Variants in MON1A observed in about 807,000 individuals in gnomAD.
The protein encoded by MON1A is MON1 vesicular trafficking associated A, also known as vacuolar fusion protein MON1 homolog A.
In MON1A, 29 loss-of-function variants were observed where a neutral mutation model predicts 44.6. That is an observed-to-expected ratio of 0.65 (90% CI 0.48 to 0.89). The LOEUF is 0.89. Ranked by LOEUF, MON1A falls within the 40% of genes least tolerant of loss-of-function variation. The probability of loss-of-function intolerance (pLI) is 0.00; values close to 1 mark genes in which losing one functional copy is unlikely to be tolerated. For synonymous variants in MON1A, 275 were observed against 316.4 expected, an observed-to-expected ratio of 0.87 and a Z score of 1.39; for missense variants, 615 against 759.6, an observed-to-expected ratio of 0.81 and a Z score of 2.24.
chr3:49,927,855 C>T (rs370508954), intron 1 of MON1A, among the ~76,000 whole-genome samples: 15 of 151,688 alleles, frequency 9.9e-5, no homozygotes, highest in East Asian at 1.9e-4. Flanking sequence ...GAGCTGATAT[C>T]GCGCCATTGC....
chr3:49,911,134 A>G lies in MON1A; in HGVS notation c.614-250T>C, dbSNP rs2082873056. Among the ~76,000 whole-genome samples, 1 of 149,202 alleles carries G rather than the reference A, an allele frequency of 6.7e-6. No individual in the cohort carries two copies. ...CATTCTTATGCTAAGTGCTAAGTCA[A>G]CTGGCAACTGGCAAGGGCTGGCTGG... is the stretch of plus-strand genomic sequence containing the variant. On this transcript the variant is annotated intron_variant, in intron 3 of 5. Transcript: ENST00000296473. This position sits in a 1 kb window ranked among gnomAD's most constrained non-coding sequence, Gnocchi z 5.7.
At chr3:49,917,418 T>C (rs548550876) in intron 1 of MON1A, among the ~76,000 whole-genome samples, 30 of 152,252 alleles carry the variant, frequency 2.0e-4, no homozygotes, top group Admixed American at 8.5e-4. Flanking sequence ...CCCGAGTAGC[T>C]GGGACTATAG....
At position 49,929,792 on chromosome 3, in the gene MON1A, G is replaced by A. The variant is rs1371895753; in HGVS notation, c.-197C>T. 7 of 1,547,958 alleles carry A rather than the reference G, an allele frequency of 4.5e-6. No individual in the cohort carries two copies. The highest frequency in any genetic ancestry group is 1.4e-5 in the African/African-American group (1 of 73,142). On this transcript the variant is annotated 5_prime_UTR_variant, in exon 1 of 6. Coordinates refer to ENST00000296473, the MANE Select transcript of MON1A (RefSeq NM_032355.4). The stretch of plus-strand genomic sequence containing the variant: ...CCGCTCCCTCCCACCGCCCTCACCC[G>A]GCCGCCGGTGCAGGAAGATAGCTTT...
chr3:49,921,318 C>T (rs1377002546), intron 1 of MON1A, among the ~76,000 whole-genome samples: 2 of 151,166 alleles, frequency 1.3e-5, no homozygotes, highest in African/African-American at 2.4e-5. Flanking sequence ...CCACCACACC[C>T]GGCTAATTTT....
rs1032505811 is a variant in MON1A, at chr3:49,913,216, A to G, written c.127+4T>C. 8.7e-6 allele frequency: 14 copies of G among 1,614,222 alleles called. No individual in the cohort carries two copies. The highest frequency in any genetic ancestry group is 3.3e-5 in the Admixed American group (2 of 60,018). On this transcript the variant is annotated splice_donor_region_variant and intron_variant, in intron 2 of 5. Coordinates refer to ENST00000296473, the MANE Select transcript of MON1A (RefSeq NM_032355.4). Reference sequence around the variant, plus strand: ...GCTGGCTGAGGCTGTACACTTGCCCATACCTGGCTCCATTCCCTGGGCCAT... The same window carrying G: ...GCTGGCTGAGGCTGTACACTTGCCCGTACCTGGCTCCATTCCCTGGGCCAT...
At chr3:49,918,736 G>A (rs1269146391) in intron 1 of MON1A, among the ~76,000 whole-genome samples, 1 of 152,054 alleles carries the variant, frequency 6.6e-6, no homozygotes, top group Non-Finnish European at 1.5e-5. Context: ...AAGATGAGCT[G>A]TTCATGCTCC....
At position 49,910,868 on chromosome 3, in the gene MON1A, T is replaced by C. The variant is rs758981992; in HGVS notation, c.630A>G (p.Val210=). The C allele has an allele frequency of 1.2e-6, 2 of 1,609,470 alleles. No individual in the cohort carries two copies. Among genetic ancestry groups the C allele is most frequent in the South Asian group, 2.2e-5 (2 of 90,888 alleles). The change falls in exon 4 of 6, where the codon GTA becomes GTG. Residue 210 remains valine (V), a synonymous_variant. Transcript: ENST00000296473. This position sits in a 1 kb window ranked among gnomAD's most constrained non-coding sequence, Gnocchi z 8.0. ...RSIHADGYKV[V]FVRRSPLVLV... Reference sequence around the variant, plus strand: ...GCACCAGCGGGCTCCGGCGCACGAATACTACCTTGTAGCCATCTGAGAGCG... The same window carrying C: ...GCACCAGCGGGCTCCGGCGCACGAACACTACCTTGTAGCCATCTGAGAGCG...
rs371051417 is a variant in MON1A at position 49,929,811 on chromosome 3, T to C, written c.-216A>G. The stretch of plus-strand genomic sequence containing the variant: ...TCACCCGGCCGCCGGTGCAGGAAGA[T>C]AGCTTTCGCCGGCCTCTCGCGGCCA... On this transcript the variant is annotated 5_prime_UTR_variant, in exon 1 of 6. Transcript: ENST00000296473. The C allele has an allele frequency of 5.2e-6, 8 of 1,546,582 alleles. No homozygotes were observed. The highest frequency in any genetic ancestry group is 1.4e-5 in the African/African-American group (1 of 73,020).
In MON1A at chr3:49,908,939, C is replaced by CA; in HGVS notation, c.*74dup. The CA allele has an allele frequency of 6.6e-7, 1 of 1,506,644 alleles. No homozygotes were observed. The highest frequency in any genetic ancestry group is 2.3e-5 in the East Asian group (1 of 43,784). 93.3% of individuals were successfully genotyped at this position (1,506,644 alleles called of 1,614,324 possible). Reference sequence around the variant, plus strand: ...TGCCCGCTGGCTGGGCAAGAGAGGCCAGCCCCCATCTGGAGGCTCCTATGG... The same window carrying CA: ...TGCCCGCTGGCTGGGCAAGAGAGGCCAAGCCCCCATCTGGAGGCTCCTATGG... On this transcript the variant is annotated 3_prime_UTR_variant, in exon 6 of 6. Transcript: ENST00000296473.
At position 49,908,956 on chromosome 3, in the gene MON1A, C is replaced by A; in HGVS notation, c.*58G>T. ...AGAGAGGCCAGCCCCCATCTGGAGG[C>A]TCCTATGGCTTCCCACACCTAGTGT... On this transcript the variant is annotated 3_prime_UTR_variant, in exon 6 of 6. Coordinates refer to ENST00000296473, the MANE Select transcript of MON1A (RefSeq NM_032355.4). The A allele has an allele frequency of 6.4e-7, 1 of 1,551,180 alleles. No individual in the cohort carries two copies. Among genetic ancestry groups the A allele is most frequent in the Non-Finnish European group, 8.7e-7 (1 of 1,145,826 alleles).
At chr3:49,912,119 T>C in intron 2 of MON1A, 108 bp from the exon 3 acceptor site, 2 of 1,344,726 alleles carry the variant, frequency 1.5e-6, no homozygotes, top group Non-Finnish European at 2.0e-6. Flanking sequence ...CTTGTTAGGA[T>C]CAAGCCACTG....
Position 49,909,360 on chromosome 3 carries a change from C to T in MON1A, c.1420G>A (p.Glu474Lys). 1.9e-6 allele frequency: 3 copies of T among 1,614,100 alleles called. No individual in the cohort carries two copies. Among genetic ancestry groups the T allele is most frequent in the East Asian group, 2.2e-5 (1 of 44,878 alleles). Residue 474 changes from glutamate (E) to lysine (K), a missense_variant, in exon 5 of 6, where the codon GAG (glutamate) becomes AAG (lysine). Transcript: ENST00000296473. This position sits in a 1 kb window ranked among gnomAD's most constrained non-coding sequence, Gnocchi z 4.0. The stretch of plus-strand genomic sequence containing the variant: ...TACTGGTAGAGGCCCAGCAGCCGCT[C>T]CTGCTCCTCTTCACTGGTGTATGGG... ...EAPYTSEEEQ[E>K]RLLGLYQYLH...
Position 49,910,264 on chromosome 3 carries a change from G to A in MON1A, c.1234C>T (p.Arg412Cys). The change falls in exon 4 of 6, where the codon CGC (arginine) becomes TGC (cysteine). Residue 412 changes from arginine to cysteine, a missense_variant. Physicochemically the swap from Arg to Cys is radical, Grantham distance 180 (BLOSUM62 -3). Coordinates refer to ENST00000296473, the MANE Select transcript of MON1A (RefSeq NM_032355.4). This position sits in a 1 kb window ranked among gnomAD's most constrained non-coding sequence, Gnocchi z 8.0. ...DFFAVSDCRR[R>C]FQERLRKRGA... The stretch of plus-strand genomic sequence containing the variant: ...CGCTTGCGAAGGCGCTCCTGGAAGC[G>A]GCGGCGGCAGTCAGAGACTGCAAAG... The A allele has an allele frequency of 5.6e-6, 9 of 1,614,052 alleles. No individual in the cohort carries two copies. The highest frequency in any genetic ancestry group is 7.6e-6 in the Non-Finnish European group (9 of 1,179,956).
rs2108532270 is a variant in MON1A, at chr3:49,913,220, C to G, written c.127G>C (p.Gly43Arg). ...TPGMAQGMEP[G>R]AGQEGAMFVH... ...GCTGAGGCTGTACACTTGCCCATAC[C>G]TGGCTCCATTCCCTGGGCCATTCCT... is the stretch of plus-strand genomic sequence containing the variant. The change falls in exon 2 of 6, where the codon GGT (glycine) becomes CGT (arginine). Residue 43 changes from glycine (G) to arginine (R), a missense_variant and splice_region_variant. Physicochemically the swap from Gly to Arg is moderately radical, Grantham distance 125. Coordinates refer to ENST00000296473, the MANE Select transcript of MON1A (RefSeq NM_032355.4). 6.2e-7 allele frequency: 1 copy of G among 1,614,254 alleles called. No homozygotes were observed. The highest frequency in any genetic ancestry group is 2.2e-5 in the East Asian group (1 of 44,886).
intron 1 of MON1A, among the ~76,000 whole-genome samples, chr3:49,919,364 AAAAC>A (rs1400581663): frequency 1.3e-5 from 2 of 152,226 alleles, no homozygotes; most frequent in South Asian, 2.1e-4. Context: ...CCTTTATAAA[AAAAC>A]AAACAAACCC....
rs1165487319 is a variant in MON1A at position 49,913,660 on chromosome 3, ATTT to A, written c.-13-304_-13-302del. Among the ~76,000 whole-genome samples, 67 of 113,666 alleles carry A rather than the reference ATTT, an allele frequency of 5.9e-4. 1 individual carries two copies. The highest frequency in any genetic ancestry group is 1.5e-3 in the African/African-American group (44 of 28,994). The allele number at this position is 113,666 out of a possible 152,430, so 74.6% of individuals were successfully genotyped here. A position where few individuals can be genotyped will look rare whatever the true frequency, so the allele number is the denominator to read the frequency against. ...ATACGTTAGTGTATTTCCTTCTAGT[ATTT>A]TTTTTTTTTTTTTTTTTGAGACAGT... On this transcript the variant is annotated intron_variant, in intron 1 of 5. Transcript: ENST00000296473.
chr3:49,916,750 A>G (rs1319797711), intron 1 of MON1A: 1 of 152,278 alleles, frequency 6.6e-6, no homozygotes, highest in African/African-American at 2.4e-5. Flanking sequence ...AAGAGGCTGC[A>G]TGCCCTCAAC....
Position 49,909,728 on chromosome 3 carries a change from G to A in MON1A, c.1380-328C>T. ...GGAAAGGTGAGCTAGGAATCCTGTG[G>A]GCCAAAAGGGACAAAGGGAGGCCAT... On this transcript the variant is annotated intron_variant, in intron 4 of 5. Coordinates refer to ENST00000296473, the MANE Select transcript of MON1A (RefSeq NM_032355.4). The surrounding 1 kb of genome is among the most constrained non-coding windows in gnomAD (Gnocchi z 4.0). 2.8e-6 allele frequency: 1 copy of A among 361,126 alleles called. No homozygotes were observed. The allele number at this position is 361,126 out of a possible 1,614,324, so 22.4% of individuals were successfully genotyped here.
In MON1A at chr3:49,910,270, G is replaced by A. The variant is rs1299943339; in HGVS notation, c.1228C>T (p.Arg410Cys). ...CGAAGGCGCTCCTGGAAGCGGCGGC[G>A]GCAGTCAGAGACTGCAAAGAAGTCC... ...REDFFAVSDCRRRFQERLRKR... is the reference protein window; with the variant it reads ...REDFFAVSDCCRRFQERLRKR... The change falls in exon 4 of 6, where the codon CGC becomes TGC. Residue 410 changes from arginine (R) to cysteine (C), a missense_variant. Coordinates refer to ENST00000296473, the MANE Select transcript of MON1A (RefSeq NM_032355.4). The surrounding 1 kb of genome is among the most constrained non-coding windows in gnomAD (Gnocchi z 8.0). The A allele has an allele frequency of 9.9e-6, 16 of 1,614,100 alleles. No homozygotes were observed. The highest frequency in any genetic ancestry group is 1.4e-5 in the Non-Finnish European group (16 of 1,179,972).
Sources: gnomAD v4.1 joint callset for allele counts (sites outside exome capture counted in the v4.1 genomes callset) on GRCh38, gnomAD v4.1.1 for gene constraint, Gnocchi (gnomAD v3.1) non-coding constraint, MANE v1.5 for transcripts, NCBI Gene and HGNC (gene_info 2026-07-23, HGNC 2026-07-21) for gene names.